The following CATSPERE variants were observed in gnomAD, a reference collection of about 807,000 sequenced individuals.
The protein encoded by CATSPERE is cation channel sperm-associated auxiliary subunit epsilon.
CATSPERE carries 93 observed loss-of-function variants against 114.1 expected under a neutral mutation model. The observed-to-expected ratio is 0.81, with a 90% confidence interval of 0.69 to 0.97. CATSPERE has a LOEUF of 0.97. Ranked by LOEUF, CATSPERE falls within the 50% of genes least tolerant of loss-of-function variation. CATSPERE has a pLI of 0.00. For missense variants in CATSPERE, 1,058 were observed against 1,131.6 expected, an observed-to-expected ratio of 0.93 and a Z score of 0.93; for synonymous variants, 341 against 384.1, an observed-to-expected ratio of 0.89 and a Z score of 1.31.
chr1:244,608,395 G>T (rs549918905), intron 18 of CATSPERE, among the ~76,000 whole-genome samples: 142 of 151,924 alleles, frequency 9.3e-4, no homozygotes, highest in African/African-American at 3.4e-3. Flanking sequence ...AATTAGCCAG[G>T]TGTGGTGATG....
chr1:244,506,308 G>A (rs149290145), intron 7 of CATSPERE, among the ~76,000 whole-genome samples: 119 of 152,270 alleles, frequency 7.8e-4, no homozygotes, highest in Non-Finnish European at 1.5e-3. Flanking sequence ...CTGGACACAT[G>A]GGTTGCTTCC....
intron 6 of CATSPERE, among the ~76,000 whole-genome samples, chr1:244,497,960 T>C (rs1193088691): frequency 6.6e-6 from 1 of 152,106 alleles, no homozygotes; most frequent in African/African-American, 2.4e-5. Flanking sequence ...GTGCAACTGC[T>C]GCAGAGAGCA....
chr1:244,635,587 G>A (rs1297193469), intron 21 of CATSPERE, 45 bp downstream of exon 21: 1 of 1,455,662 alleles, frequency 6.9e-7, no homozygotes, highest in Non-Finnish European at 9.6e-7. Flanking sequence ...GAATTTCTAA[G>A]ACACAAATGG....
intron 9 of CATSPERE, among the ~76,000 whole-genome samples, chr1:244,553,960 A>G (rs1198515281): frequency 6.6e-6 from 1 of 152,114 alleles, no homozygotes; most frequent in Non-Finnish European, 1.5e-5. Flanking sequence ...TTCACTTTAC[A>G]ATAATGACCT....
At position 244,640,252 on chromosome 1, in the gene CATSPERE, G is replaced by A. The variant is rs1356366901; in HGVS notation, c.*171G>A. On this transcript the variant is annotated 3_prime_UTR_variant, in exon 22 of 22. Transcript: ENST00000366534. ...CTTGAACTATCTCCAAAATAGAAAT[G>A]TTTTCATATATATTGTTATTAAATT... 5 of 506,574 alleles carry A rather than the reference G, an allele frequency of 9.9e-6. No individual in the cohort carries two copies. Among genetic ancestry groups the A allele is most frequent in the Non-Finnish European group, 1.7e-5 (5 of 291,932 alleles). 31.4% of individuals were successfully genotyped at this position (506,574 alleles called of 1,614,324 possible). A position where few individuals can be genotyped will look rare whatever the true frequency, so the allele number is the denominator to read the frequency against.
intron 5 of CATSPERE, among the ~76,000 whole-genome samples, chr1:244,480,455 G>A (rs1319096033): frequency 4.6e-5 from 7 of 152,072 alleles, no homozygotes; most frequent in African/African-American, 4.8e-5. Context: ...TCCACTTCAC[G>A]TTTATTCCCT....
At chr1:244,503,450 C>T (rs1462830336) in intron 7 of CATSPERE, among the ~76,000 whole-genome samples, 1 of 152,156 alleles carries the variant, frequency 6.6e-6, no homozygotes, top group East Asian at 1.9e-4. Flanking sequence ...AATTCCATTT[C>T]AACATATATT....
intron 8 of CATSPERE, among the ~76,000 whole-genome samples, chr1:244,534,565 A>C (rs1680089150): frequency 6.6e-6 from 1 of 152,094 alleles, no homozygotes; most frequent in African/African-American, 2.4e-5. Context: ...ACTCCGATGC[A>C]TTCTTCATTA....
intron 20 of CATSPERE, among the ~76,000 whole-genome samples, chr1:244,618,275 A>T (rs1225511648): frequency 6.6e-6 from 1 of 152,198 alleles, no homozygotes; most frequent in Admixed American, 6.5e-5. Flanking sequence ...CATATTGTCT[A>T]TGGCTTGTGG....
chr1:244,588,455 C>T (rs1483462228), intron 13 of CATSPERE, 27 bp from the exon 14 acceptor site: 1 of 1,572,502 alleles, frequency 6.4e-7, no homozygotes, highest in South Asian at 1.1e-5. Flanking sequence ...AACTGCTGAA[C>T]TCACTACCTA....
At chr1:244,490,626 T>C (rs1370740289) in intron 6 of CATSPERE, among the ~76,000 whole-genome samples, 155 bp downstream of exon 6, 1 of 152,074 alleles carries the variant, frequency 6.6e-6, no homozygotes, top group African/African-American at 2.4e-5. Context: ...ATTCAGGAGG[T>C]CCATGAGGTT....
At chr1:244,547,087 A>G (rs935993088) in intron 8 of CATSPERE, among the ~76,000 whole-genome samples, 2 of 152,192 alleles carry the variant, frequency 1.3e-5, no homozygotes, top group Non-Finnish European at 2.9e-5. Flanking sequence ...AACAAGAGAA[A>G]AGAAGCAAAT....
At position 244,607,485 on chromosome 1, in the gene CATSPERE, G is replaced by A. The variant is rs1437305023; in HGVS notation, c.2403+1691G>A. Among the ~76,000 whole-genome samples, 1 of 152,198 alleles carries A rather than the reference G, an allele frequency of 6.6e-6. No individual in the cohort carries two copies. The highest frequency in any genetic ancestry group is 2.4e-5 in the African/African-American group (1 of 41,450). ...CCATCCATCCTATGAGGGTATTGCT[G>A]GGAAAGTTTCTAAACAGGGACTACG... is the stretch of plus-strand genomic sequence containing the variant. On this transcript the variant is annotated intron_variant, in intron 18 of 21. Coordinates refer to ENST00000366534, the MANE Select transcript of CATSPERE (RefSeq NM_001130957.2). This position sits in a 1 kb window ranked among gnomAD's most constrained non-coding sequence, Gnocchi z 4.4.
intron 8 of CATSPERE, among the ~76,000 whole-genome samples, chr1:244,545,886 T>C (rs1000870539): frequency 3.3e-5 from 5 of 152,190 alleles, no homozygotes; most frequent in Admixed American, 1.3e-4. Flanking sequence ...CTGTCTTCTT[T>C]CTCCCCATTT....
At chr1:244,531,167 C>T (rs549490706) in intron 8 of CATSPERE, among the ~76,000 whole-genome samples, 11 of 140,528 alleles carry the variant, frequency 7.8e-5, no homozygotes, top group African/African-American at 1.8e-4. Context: ...ATCCAGGAGG[C>T]GGAGGTTGCA....
intron 8 of CATSPERE, among the ~76,000 whole-genome samples, chr1:244,528,785 C>CCACGCACGCGCACACACACACACACACA (rs1553342506): frequency 1.5e-5 from 2 of 130,536 alleles, no homozygotes; most frequent in African/African-American, 5.9e-5. Context: ...CAATCCCCCA[C>CCACGCACGCGCACACACACACACACACA]CACACACACA....
intron 12 of CATSPERE, among the ~76,000 whole-genome samples, chr1:244,582,210 C>T (rs1666291000): frequency 6.6e-6 from 1 of 152,088 alleles, no homozygotes; most frequent in African/African-American, 2.4e-5. Flanking sequence ...ATCACAGAAA[C>T]TCTTTATGCA....
intron 5 of CATSPERE, among the ~76,000 whole-genome samples, chr1:244,481,236 T>C (rs533708026): frequency 9.9e-5 from 15 of 152,222 alleles, no homozygotes; most frequent in African/African-American, 3.6e-4. Flanking sequence ...GGACCTGAAG[T>C]CAGGAGTTCA....
At chr1:244,538,753 T>C (rs920110822) in intron 8 of CATSPERE, among the ~76,000 whole-genome samples, 1 of 152,156 alleles carries the variant, frequency 6.6e-6, no homozygotes, top group Admixed American at 6.5e-5. Context: ...TTCCCAGCAT[T>C]CTGGGACCCT....
Sources: allele counts gnomAD v4.1 joint callset (sites outside exome capture counted in the v4.1 genomes callset), GRCh38; gene constraint gnomAD v4.1.1; non-coding constraint Gnocchi (gnomAD v3.1); transcripts MANE v1.5; gene names NCBI Gene and HGNC (gene_info 2026-07-23, HGNC 2026-07-21).